COL9A3: variants seen among roughly 807,000 people sequenced by gnomAD.
COL9A3 encodes collagen type IX alpha 3 chain.
COL9A3 carries 82 observed loss-of-function variants against 110.2 expected under a neutral mutation model. The ratio of observed to expected loss-of-function variants is 0.74; its 90% CI spans 0.62 to 0.89. COL9A3 has a LOEUF of 0.89. COL9A3 is among the 40% of genes least tolerant of loss of function. The pLI, the probability that COL9A3 is intolerant of heterozygous loss-of-function variation, is 0.00. For synonymous variants in COL9A3, 494 were observed against 403.8 expected, an observed-to-expected ratio of 1.22 and a Z score of -2.68; for missense variants, 1,066 against 981.3, an observed-to-expected ratio of 1.09 and a Z score of -1.15.
At chr20:62,820,031 C>T (rs1252987408) in intron 5 of COL9A3, 49 bp downstream of exon 5, 2 of 1,590,360 alleles carry the variant, frequency 1.3e-6, no homozygotes, top group Non-Finnish European at 1.7e-6. Flanking sequence ...GGTGAGGTCC[C>T]CTGGCCACCT....
intron 31 of COL9A3, among the ~76,000 whole-genome samples, chr20:62,840,138 G>A (rs921967721): frequency 6.6e-6 from 1 of 151,844 alleles, no homozygotes; most frequent in Non-Finnish European, 1.5e-5. Context: ...CACTTAGGCG[G>A]CTGACTCCCT....
chr20:62,823,012 G>C (rs1291661158), intron 10 of COL9A3, among the ~76,000 whole-genome samples: 1 of 152,190 alleles, frequency 6.6e-6, no homozygotes, highest in Non-Finnish European at 1.5e-5. Context: ...CCTTTATCTT[G>C]ATCTTTGAGC....
chr20:62,823,935 G>A (rs1377595691), intron 10 of COL9A3, among the ~76,000 whole-genome samples: 3 of 152,152 alleles, frequency 2.0e-5, no homozygotes, highest in Non-Finnish European at 2.9e-5. Flanking sequence ...AGGAGACCCT[G>A]TCTGTGTCCT....
chr20:62,835,002 G>A (rs776051328), intron 26 of COL9A3, among the ~76,000 whole-genome samples: 7 of 152,234 alleles, frequency 4.6e-5, no homozygotes, highest in Admixed American at 4.6e-4. Flanking sequence ...GCTGCCCTAC[G>A]TGGCCACTGT....
intron 25 of COL9A3, chr20:62,832,708 A>AGTCCCTGCTCTCC: frequency 4.0e-6 from 1 of 252,134 alleles, no homozygotes; most frequent in South Asian, 5.7e-5. Flanking sequence ...GCCTGCTCTC[A>AGTCCCTGCTCTCC]CTTCTAGGCA....
At chr20:62,835,414 C>A (rs1047793720) in intron 26 of COL9A3, among the ~76,000 whole-genome samples, 1 of 152,224 alleles carries the variant, frequency 6.6e-6, no homozygotes, top group East Asian at 1.9e-4. Flanking sequence ...GCGGAGACAA[C>A]GGTGTTAGTT....
chr20:62,831,905 G>A (rs2063600194), intron 24 of COL9A3: 5 of 579,254 alleles, frequency 8.6e-6, no homozygotes, highest in South Asian at 4.0e-5. Context: ...ATTCACGGGT[G>A]TTACAAACAG....
intron 15 of COL9A3, 85 bp from the exon 16 acceptor site, chr20:62,827,156 G>A (rs1333461350): frequency 1.3e-5 from 17 of 1,343,540 alleles, no homozygotes; most frequent in African/African-American, 7.2e-5. Flanking sequence ...GCTGTCCCCC[G>A]CCCGGGCCTG....
Position 62,829,815 on chromosome 20 carries a change from C to T in COL9A3, c.1157C>T (p.Ser386Leu). 1.3e-6 allele frequency: 2 copies of T among 1,570,388 alleles called. No individual in the cohort carries two copies. The highest frequency in any genetic ancestry group is 1.7e-6 in the Non-Finnish European group (2 of 1,158,824). ...GERGEAGHRG[S>L]AGALGPQGPP... ...CGCGGTGAGGCTGGCCACCGGGGCTCAGCGGTGAGTGCAGGGACATGGCCC... is the reference window on the plus strand; with the variant it reads ...CGCGGTGAGGCTGGCCACCGGGGCTTAGCGGTGAGTGCAGGGACATGGCCC... The change falls in exon 22 of 32, where the codon TCA becomes TTA. Residue 386 changes from serine (S) to leucine (L), a missense_variant. Ser to Leu is a moderately radical substitution (Grantham distance 145). Coordinates refer to ENST00000649368, the MANE Select transcript of COL9A3 (RefSeq NM_001853.4).
chr20:62,817,899 C>T (rs1203822026), intron 2 of COL9A3: 2 of 598,950 alleles, frequency 3.3e-6, no homozygotes, highest in East Asian at 3.4e-5. Context: ...CTGAGGGGCC[C>T]GTGCCCCTGT....
Position 62,829,667 on chromosome 20 carries a change from G to C in COL9A3, c.1093G>C (p.Glu365Gln), listed in dbSNP as rs1447735429. The C allele has an allele frequency of 2.5e-6, 4 of 1,609,380 alleles. No homozygotes were observed. Among genetic ancestry groups the C allele is most frequent in the South Asian group, 1.1e-5 (1 of 90,336 alleles). The change falls in exon 21 of 32, where the codon GAG (glutamate) becomes CAG (glutamine). Residue 365 changes from glutamate to glutamine, a missense_variant. Coordinates refer to ENST00000649368, the MANE Select transcript of COL9A3 (RefSeq NM_001853.4). ...GCTGGGTGAGGCCGGCCCCTCTGGA[G>C]AGCCAGGCGTCCCTGTGAGTATCTG... ...GELGEAGPSGEPGVPGDAGMP... is the reference protein window; with the variant it reads ...GELGEAGPSGQPGVPGDAGMP...
chr20:62,837,584 A>G (rs555396066), intron 30 of COL9A3, among the ~76,000 whole-genome samples: 17 of 149,960 alleles, frequency 1.1e-4, no homozygotes, highest in South Asian at 2.1e-4. Context: ...TGAGGTGGGC[A>G]GATCACGAGG....
At chr20:62,836,122 G>A (rs904749614) in intron 27 of COL9A3, 65 bp from the exon 28 acceptor site, 1 of 1,603,014 alleles carries the variant, frequency 6.2e-7, no homozygotes, top group Non-Finnish European at 8.5e-7. Context: ...CTGGGAAAGA[G>A]CACGTCGGGG....
intron 30 of COL9A3, among the ~76,000 whole-genome samples, chr20:62,837,506 A>G (rs1436455464): frequency 6.6e-6 from 1 of 152,192 alleles, no homozygotes; most frequent in Admixed American, 6.5e-5. Flanking sequence ...GCAGGGAGGG[A>G]TTGATTTAAA....
chr20:62,817,685 G>C (rs1313340419), intron 2 of COL9A3, 50 bp downstream of exon 2: 1 of 1,272,046 alleles, frequency 7.9e-7, no homozygotes, highest in Non-Finnish European at 1.1e-6. Flanking sequence ...TTCTGGCTCT[G>C]GCCCCCACCT....
intron 22 of COL9A3, 21 bp from the exon 23 acceptor site, chr20:62,830,339 C>T: frequency 6.4e-7 from 1 of 1,564,472 alleles, no homozygotes; most frequent in South Asian, 1.2e-5. Flanking sequence ...CATCCGCTCA[C>T]ACCTCACCTT....
Position 62,825,016 on chromosome 20 carries a change from G to T in COL9A3, c.625G>T (p.Glu209Ter), listed in dbSNP as rs1438914631. 6.2e-7 allele frequency: 1 copy of T among 1,608,996 alleles called. No individual in the cohort carries two copies. Among genetic ancestry groups the T allele is most frequent in the Non-Finnish European group, 8.5e-7 (1 of 1,178,910 alleles). ...GCAGGGGGAAGTCGGCAAGGACGGCGAGAAGGTGAAGCTGCCGCACAGCAG... is the reference window on the plus strand; with the variant it reads ...GCAGGGGGAAGTCGGCAAGGACGGCTAGAAGGTGAAGCTGCCGCACAGCAG... ...GEQGEVGKDG[E>*]KGDPGPPGPA... is the part of the protein sequence containing the mutation. The change falls in exon 12 of 32, where the codon GAG becomes TAG. Residue 209 changes from glutamate to a stop codon, truncating the protein, a stop_gained. Coordinates refer to ENST00000649368, the MANE Select transcript of COL9A3 (RefSeq NM_001853.4). LOFTEE classifies it high-confidence loss of function.
intron 1 of COL9A3, 54 bp downstream of exon 1, chr20:62,817,196 C>T: frequency 1.6e-6 from 2 of 1,242,264 alleles, no homozygotes; most frequent in South Asian, 4.4e-5. Context: ...ACCGCCCCAG[C>T]CCCGAACCCG....
In COL9A3 at chr20:62,830,400, T is replaced by C. The variant is rs1325987483; in HGVS notation, c.1202T>C (p.Val401Ala). 5.1e-6 allele frequency: 8 copies of C among 1,569,482 alleles called. No homozygotes were observed. Among genetic ancestry groups the C allele is most frequent in the Non-Finnish European group, 6.9e-6 (8 of 1,157,200 alleles). ...GPQGPPGAPG[V>A]RGFQGQKGSM... ...CAAGGCCCTCCCGGAGCCCCTGGTG[T>C]CCGAGGCTTCCAGGTGGGTGAGGTT... The change falls in exon 23 of 32, where the codon GTC (valine) becomes GCC (alanine). Residue 401 changes from valine (V) to alanine (A), a missense_variant. By Grantham distance (64) the Val-to-Ala change is moderately conservative. Transcript: ENST00000649368.
Sources: allele counts gnomAD v4.1 joint callset (sites outside exome capture counted in the v4.1 genomes callset), GRCh38; gene constraint gnomAD v4.1.1; transcripts MANE v1.5; gene names NCBI Gene and HGNC (gene_info 2026-07-23, HGNC 2026-07-21).